PFDN2: variants seen among roughly 807,000 people sequenced by gnomAD.
PFDN2 encodes the protein prefoldin subunit 2.
Under a neutral mutation model 18.3 loss-of-function variants are expected in PFDN2, and 7 were observed. The ratio of observed to expected loss-of-function variants is 0.38; its 90% CI spans 0.22 to 0.72. PFDN2 has a LOEUF of 0.72. Among genes scored for constraint, PFDN2 ranks in the 30% least tolerant of loss-of-function variants. The pLI, the probability that PFDN2 is intolerant of heterozygous loss-of-function variation, is 0.47. For synonymous variants in PFDN2, 76 were observed against 75.0 expected (o/e 1.01, Z -0.07); for missense variants, 181 against 199.1 (o/e 0.91, Z 0.55).
intron 3 of PFDN2, 62 bp from the exon 4 acceptor site, chr1:161,100,921 G>T: frequency 7.9e-7 from 1 of 1,267,704 alleles, no homozygotes; most frequent in South Asian, 1.3e-5. Context: ...CACCTGGAAT[G>T]GACTATGGTT....
At chr1:161,117,898 C>T in intron 1 of PFDN2, 54 bp downstream of exon 1, 2 of 1,452,052 alleles carry the variant, frequency 1.4e-6, no homozygotes, top group East Asian at 2.3e-5. Context: ...TCCCCCTTCT[C>T]GCTAGTATTC....
intron 1 of PFDN2, among the ~76,000 whole-genome samples, chr1:161,113,121 A>G (rs1175755776): frequency 6.6e-6 from 1 of 152,204 alleles, no homozygotes; most frequent in African/African-American, 2.4e-5. Flanking sequence ...TAAACAATTA[A>G]TAATATAACA....
intron 1 of PFDN2, among the ~76,000 whole-genome samples, chr1:161,117,291 T>A (rs1654977491): frequency 6.6e-6 from 1 of 152,228 alleles, no homozygotes; most frequent in Non-Finnish European, 1.5e-5. Context: ...TTCTATTGTG[T>A]AGCTTTCCTC....
intron 1 of PFDN2, among the ~76,000 whole-genome samples, chr1:161,105,267 C>T (rs886644725): frequency 2.0e-5 from 3 of 151,938 alleles, no homozygotes; most frequent in East Asian, 3.9e-4. Flanking sequence ...TGTGCCACCA[C>T]GCAATTATTT....
intron 1 of PFDN2, among the ~76,000 whole-genome samples, chr1:161,117,673 A>G (rs777659802): frequency 1.3e-5 from 2 of 152,134 alleles, no homozygotes; most frequent in African/African-American, 4.8e-5. Flanking sequence ...GAAAGCAGCA[A>G]ACCATCTCCC....
At chr1:161,107,678 G>A (rs2101702783) in intron 1 of PFDN2, among the ~76,000 whole-genome samples, 1 of 146,002 alleles carries the variant, frequency 6.8e-6, no homozygotes, top group South Asian at 2.2e-4. Context: ...AGCCGGGCGT[G>A]GTGGTGCACA....
intron 1 of PFDN2, among the ~76,000 whole-genome samples, chr1:161,112,101 A>G (rs1293478595): frequency 6.6e-6 from 1 of 152,204 alleles, no homozygotes; most frequent in African/African-American, 2.4e-5. Context: ...TTCTTCACCA[A>G]TAAAATACAG....
intron 1 of PFDN2, among the ~76,000 whole-genome samples, chr1:161,102,886 A>T (rs1654596501): frequency 6.6e-6 from 1 of 150,518 alleles, no homozygotes; most frequent in South Asian, 2.1e-4. Flanking sequence ...TGAACCCGGG[A>T]GGCAGAGGTT....
intron 1 of PFDN2, among the ~76,000 whole-genome samples, chr1:161,115,181 A>G (rs1252351387): frequency 6.6e-6 from 1 of 152,132 alleles, no homozygotes; most frequent in East Asian, 1.9e-4. Flanking sequence ...TCCCTGCCTC[A>G]GCCTCTTGGG....
intron 1 of PFDN2, among the ~76,000 whole-genome samples, chr1:161,108,399 G>A (rs1167817430): frequency 4.0e-5 from 6 of 151,246 alleles, no homozygotes; most frequent in East Asian, 1.9e-4. Context: ...CAGAGGTTGC[G>A]GTGAGCCAAG....
chr1:161,108,703 T>C (rs1052175611), intron 1 of PFDN2, among the ~76,000 whole-genome samples: 1 of 152,238 alleles, frequency 6.6e-6, no homozygotes, highest in Non-Finnish European at 1.5e-5. Flanking sequence ...TAGCTTCCAC[T>C]GCATGTCGCT....
At chr1:161,114,669 G>T (rs886106845) in intron 1 of PFDN2, among the ~76,000 whole-genome samples, 2 of 152,198 alleles carry the variant, frequency 1.3e-5, no homozygotes, top group African/African-American at 4.8e-5. Context: ...GGTAGGTATT[G>T]TTATGTTTCT....
chr1:161,100,742 T>G lies in PFDN2; in HGVS notation c.406A>C (p.Lys136Gln), dbSNP rs1654536669. The change falls in exon 4 of 4, where the codon AAG becomes CAG. Residue 136 changes from lysine to glutamine, a missense_variant. Coordinates refer to ENST00000368010, the MANE Select transcript of PFDN2 (RefSeq NM_012394.4). Reference protein sequence around the residue: ...LMGEDEKPAAKENSEGAGAKA... With the variant: ...LMGEDEKPAAQENSEGAGAKA... ...GCCCCAGCCCCTTCTGAGTTTTCCTTGGCTGCTGGCTTCTCATCTTCTCCC... is the reference window on the plus strand; with the variant it reads ...GCCCCAGCCCCTTCTGAGTTTTCCTGGGCTGCTGGCTTCTCATCTTCTCCC... 1 of 1,614,080 alleles carries G rather than the reference T, an allele frequency of 6.2e-7. No individual in the cohort carries two copies.
At chr1:161,101,309 C>A (rs1654553532) in intron 3 of PFDN2, among the ~76,000 whole-genome samples, 1 of 151,988 alleles carries the variant, frequency 6.6e-6, no homozygotes, top group East Asian at 1.9e-4. Flanking sequence ...ACGCCATTCT[C>A]CTGCCTTGCC....
At chr1:161,105,945 C>T (rs987639629) in intron 1 of PFDN2, among the ~76,000 whole-genome samples, 4 of 152,130 alleles carry the variant, frequency 2.6e-5, no homozygotes, top group African/African-American at 9.7e-5. Context: ...CTCTTAGCAG[C>T]TGATATAGTT....
chr1:161,101,478 T>C (rs1349729286), intron 3 of PFDN2, among the ~76,000 whole-genome samples: 1 of 151,914 alleles, frequency 6.6e-6, no homozygotes, highest in Non-Finnish European at 1.5e-5. Flanking sequence ...GGATTACAGG[T>C]GTGAGTCACT....
chr1:161,103,233 G>A (rs1319921837), intron 1 of PFDN2, among the ~76,000 whole-genome samples: 1 of 152,176 alleles, frequency 6.6e-6, no homozygotes, highest in Non-Finnish European at 1.5e-5. Flanking sequence ...GACAGCTGGA[G>A]TTAAGATTCC....
chr1:161,114,462 T>C (rs1012617185), intron 1 of PFDN2, among the ~76,000 whole-genome samples: 1 of 152,234 alleles, frequency 6.6e-6, no homozygotes, highest in African/African-American at 2.4e-5. Flanking sequence ...AACACATTTA[T>C]TCCCTCTACC....
intron 1 of PFDN2, among the ~76,000 whole-genome samples, chr1:161,110,870 C>T (rs1025566417): frequency 3.4e-4 from 43 of 124,678 alleles, no homozygotes; most frequent in African/African-American, 1.1e-3. Context: ...GATGGAGTCT[C>T]GCTCTGTCGC....
Sources: gnomAD v4.1 joint callset for allele counts (sites outside exome capture counted in the v4.1 genomes callset) on GRCh38, gnomAD v4.1.1 for gene constraint, MANE v1.5 for transcripts, NCBI Gene and HGNC (gene_info 2026-07-23, HGNC 2026-07-21) for gene names.